XRCC5: variants seen among roughly 807,000 people sequenced by gnomAD.
XRCC5 encodes DNA repair protein Ku80.
XRCC5 carries 12 observed loss-of-function variants against 95.7 expected under a neutral mutation model. The observed-to-expected ratio is 0.13, with a 90% CI of 0.08 to 0.20. The LOEUF is 0.20. XRCC5 is among the 10% of genes least tolerant of loss of function. XRCC5 has a pLI of 1.00. For missense variants in XRCC5, 595 were observed against 873.9 expected (o/e 0.68, Z 4.02); for synonymous variants, 281 against 290.3 (o/e 0.97, Z 0.33).
intron 13 of XRCC5, 132 bp from the exon 14 acceptor site, chr2:216,147,951 T>G: frequency 1.0e-6 from 1 of 979,418 alleles, no homozygotes; most frequent in Non-Finnish European, 1.5e-6. Flanking sequence ...GTGAATCCTC[T>G]TGATTGTTTT....
chr2:216,188,506 G>A (rs1163589979), intron 16 of XRCC5, among the ~76,000 whole-genome samples: 1 of 152,168 alleles, frequency 6.6e-6, no homozygotes, highest in Non-Finnish European at 1.5e-5. Flanking sequence ...AGCTTCCTAA[G>A]ATTTCCTATT....
intron 13 of XRCC5, among the ~76,000 whole-genome samples, chr2:216,143,566 GT>G (rs1424936309): frequency 2.6e-5 from 4 of 152,008 alleles, no homozygotes; most frequent in African/African-American, 7.2e-5. Context: ...ATTTTTATTA[GT>G]TTGTTTTGTG....
intron 15 of XRCC5, 59 bp from the exon 16 acceptor site, chr2:216,161,920 T>C: frequency 1.4e-6 from 2 of 1,440,134 alleles, no homozygotes; most frequent in Non-Finnish European, 2.0e-6. Flanking sequence ...TTGTATTGCC[T>C]GGGGTGCTGC....
At chr2:216,191,169 T>C (rs1689606278) in intron 17 of XRCC5, among the ~76,000 whole-genome samples, 2 of 152,092 alleles carry the variant, frequency 1.3e-5, no homozygotes, top group Non-Finnish European at 1.5e-5. Flanking sequence ...GATGATTCAG[T>C]TGGATGGAGA....
intron 12 of XRCC5, 110 bp from the exon 13 acceptor site, chr2:216,141,076 C>A (rs1433995345): frequency 6.0e-6 from 8 of 1,333,044 alleles, no homozygotes; most frequent in Non-Finnish European, 7.3e-6. Context: ...TTGGCAGGGC[C>A]AGGACTGTAT....
At chr2:216,181,683 G>C (rs1248812672) in intron 16 of XRCC5, among the ~76,000 whole-genome samples, 3 of 152,184 alleles carry the variant, frequency 2.0e-5, no homozygotes, top group African/African-American at 7.2e-5. Context: ...TTTACCATCA[G>C]TGAGACAAAA....
intron 14 of XRCC5, chr2:216,156,638 T>C: frequency 1.8e-6 from 1 of 557,902 alleles, no homozygotes; most frequent in Admixed American, 1.9e-5. Flanking sequence ...TGCCTACATA[T>C]AGTGACCCCA....
At chr2:216,136,292 G>C (rs1574460608) in intron 10 of XRCC5, among the ~76,000 whole-genome samples, 1 of 151,374 alleles carries the variant, frequency 6.6e-6, no homozygotes, top group Admixed American at 6.6e-5. Context: ...GGAGGTGGAG[G>C]TTGCGGTGAG....
Position 216,204,545 on chromosome 2 carries a change from C to T in XRCC5, c.2184+149C>T. On this transcript the variant is annotated intron_variant, in intron 20 of 20. Transcript: ENST00000392132. ...AAGCTTCCTACACCATTATATATTG[C>T]CATTATAAATTCAATCAGATAGGTA... The T allele has an allele frequency of 6.6e-6, 5 of 755,056 alleles. 1 individual carries two copies. Among genetic ancestry groups the T allele is most frequent in the South Asian group, 5.6e-5 (3 of 53,964 alleles). 46.8% of individuals were successfully genotyped at this position (755,056 alleles called of 1,614,324 possible).
intron 16 of XRCC5, among the ~76,000 whole-genome samples, chr2:216,178,640 G>A (rs1231590784): frequency 1.3e-5 from 2 of 152,202 alleles, no homozygotes; most frequent in African/African-American, 4.8e-5. Flanking sequence ...AATGTTGGAT[G>A]TGATATCTCA....
intron 14 of XRCC5, among the ~76,000 whole-genome samples, chr2:216,159,514 C>T (rs190759392): frequency 2.6e-5 from 4 of 151,624 alleles, no homozygotes; most frequent in Admixed American, 2.6e-4. Flanking sequence ...TTATAGTTTA[C>T]GACTTCTTTA....
chr2:216,167,570 T>TTG (rs58499938), intron 16 of XRCC5, among the ~76,000 whole-genome samples: 16,327 of 138,056 alleles, frequency 0.12, 947 homozygotes, highest in East Asian at 0.17. Context: ...GTGTGTGGGT[T>TTG]TGTGTGTGTG....
At chr2:216,150,796 G>C (rs1260625506) in intron 14 of XRCC5, among the ~76,000 whole-genome samples, 1 of 152,126 alleles carries the variant, frequency 6.6e-6, no homozygotes, top group African/African-American at 2.4e-5. Context: ...GGCTGAGACA[G>C]GAGAATCTCT....
At position 216,205,249 on chromosome 2, in the gene XRCC5, C is replaced by T. The variant is rs1319947534; in HGVS notation, c.*47C>T. ...TAAGAGAGCTGCCATCGCTGTGATG[C>T]TGGGAGTTCTAACAAAACAAGTTGG... On this transcript the variant is annotated 3_prime_UTR_variant, in exon 21 of 21. Transcript: ENST00000392132. 6.2e-7 allele frequency: 1 copy of T among 1,613,132 alleles called. No individual in the cohort carries two copies. Among genetic ancestry groups the T allele is most frequent in the East Asian group, 2.2e-5 (1 of 44,876 alleles).
intron 15 of XRCC5, among the ~76,000 whole-genome samples, chr2:216,160,989 C>T (rs1461126337): frequency 1.3e-5 from 2 of 152,146 alleles, no homozygotes; most frequent in African/African-American, 4.8e-5. Flanking sequence ...TCACTGCACC[C>T]AGCCAAATAG....
chr2:216,175,198 C>T (rs1230269311), intron 16 of XRCC5: 1 of 374,124 alleles, frequency 2.7e-6, no homozygotes, highest in African/African-American at 2.1e-5. Flanking sequence ...GTAGGCAGGC[C>T]CACCACCATT....
intron 10 of XRCC5, among the ~76,000 whole-genome samples, chr2:216,134,680 C>T (rs1010955625): frequency 9.0e-4 from 136 of 151,476 alleles, no homozygotes; most frequent in African/African-American, 2.9e-3. Context: ...CCACCCCCCC[C>T]CCTCCTCGGC....
At position 216,116,707 on chromosome 2, in the gene XRCC5, G is replaced by C; in HGVS notation, c.184G>C (p.Asp62His). The C allele has an allele frequency of 6.2e-7, 1 of 1,614,210 alleles. No homozygotes were observed. Among genetic ancestry groups the C allele is most frequent in the Middle Eastern group, 1.6e-4 (1 of 6,062 alleles). Residue 62 changes from aspartate to histidine, a missense_variant, in exon 3 of 21, where the codon GAT becomes CAT. Coordinates refer to ENST00000392132, the MANE Select transcript of XRCC5 (RefSeq NM_021141.4). ...GATTGCTTTAGTCCTGTTTGGTACA[G>C]ATGGCACTGACAATCCCCTTTCTGG... ...DEIALVLFGT[D>H]GTDNPLSGGD...
chr2:216,196,115 A>G (rs1042178925), intron 19 of XRCC5, among the ~76,000 whole-genome samples: 4 of 152,106 alleles, frequency 2.6e-5, no homozygotes, highest in Non-Finnish European at 4.4e-5. Context: ...AATATCTTCA[A>G]TTTTCAACTC....
Sources: gnomAD v4.1 joint callset for allele counts (sites outside exome capture counted in the v4.1 genomes callset) on GRCh38, gnomAD v4.1.1 for gene constraint, MANE v1.5 for transcripts, NCBI Gene and HGNC (gene_info 2026-07-23, HGNC 2026-07-21) for gene names.